Variants in ZBTB7C observed in about 807,000 individuals in gnomAD.
ZBTB7C encodes the protein zinc finger and BTB domain containing 7C.
Under a neutral mutation model 25.7 loss-of-function variants are expected in ZBTB7C, and 8 were observed. That is an observed-to-expected ratio of 0.31 (90% confidence interval 0.18 to 0.56). The LOEUF (loss-of-function observed/expected upper bound fraction) is 0.56. Ranked by LOEUF, ZBTB7C falls within the 20% of genes least tolerant of loss-of-function variation. The pLI is 0.91. For missense variants in ZBTB7C, 824 were observed against 855.2 expected, an observed-to-expected ratio of 0.96 and a Z score of 0.46; for synonymous variants, 394 against 369.0, an observed-to-expected ratio of 1.07 and a Z score of -0.78.
Position 48,027,551 on chromosome 18 carries a change from C to T in ZBTB7C, c.*1709G>A, listed in dbSNP as rs1029892995. The T allele has an allele frequency of 6.6e-6, 1 of 152,252 alleles. No individual in the cohort carries two copies. The highest frequency in any genetic ancestry group is 2.4e-5 in the African/African-American group (1 of 41,462). 9.4% of individuals were successfully genotyped at this position (152,252 alleles called of 1,614,324 possible). A position where few individuals can be genotyped will look rare whatever the true frequency, so the allele number is the denominator to read the frequency against. ...TTCTGAGAACAGAGGGTGTGTGTAGCAATCCTGCTGGCTGGAGTGGCATCC... is the reference window on the plus strand; with the variant it reads ...TTCTGAGAACAGAGGGTGTGTGTAGTAATCCTGCTGGCTGGAGTGGCATCC... On this transcript the variant is annotated 3_prime_UTR_variant, in exon 5 of 5. Transcript: ENST00000590800.
At chr18:48,308,077 A>G (rs1303432329) in intron 2 of ZBTB7C, among the ~76,000 whole-genome samples, 1 of 152,170 alleles carries the variant, frequency 6.6e-6, no homozygotes, top group Non-Finnish European at 1.5e-5. Flanking sequence ...CTCATTTTGC[A>G]TAAAGGAAGA....
At chr18:48,403,623 T>C (rs1313343900) in intron 1 of ZBTB7C, among the ~76,000 whole-genome samples, 2 of 152,116 alleles carry the variant, frequency 1.3e-5, no homozygotes, top group African/African-American at 4.8e-5. Context: ...ACAGACAAGG[T>C]GCCTGTTCTC....
intron 2 of ZBTB7C, among the ~76,000 whole-genome samples, chr18:48,311,228 T>C (rs996340616): frequency 6.6e-6 from 1 of 152,206 alleles, no homozygotes; most frequent in African/African-American, 2.4e-5. Context: ...ACCCCCTGCC[T>C]GCCCGTGGTG....
chr18:48,242,324 G>T (rs1302303401), intron 2 of ZBTB7C, among the ~76,000 whole-genome samples: 1 of 152,038 alleles, frequency 6.6e-6, no homozygotes, highest in African/African-American at 2.4e-5. Context: ...GAGAAAAAGG[G>T]AATCCTCCCT....
At chr18:48,205,506 C>G (rs556710543) in intron 2 of ZBTB7C, among the ~76,000 whole-genome samples, 1 of 151,878 alleles carries the variant, frequency 6.6e-6, no homozygotes, top group Middle Eastern at 3.4e-3. Context: ...AGGAAATAGA[C>G]AGTATTAATA....
intron 1 of ZBTB7C, among the ~76,000 whole-genome samples, chr18:48,350,057 G>A (rs2046828680): frequency 6.6e-6 from 1 of 152,100 alleles, no homozygotes; most frequent in African/African-American, 2.4e-5. Flanking sequence ...AACTAGACTG[G>A]GACTCTTAAA....
chr18:48,046,386 G>C (rs748820064), intron 3 of ZBTB7C, among the ~76,000 whole-genome samples: 2 of 152,154 alleles, frequency 1.3e-5, no homozygotes, highest in Non-Finnish European at 2.9e-5. Context: ...TAGGTAGCAG[G>C]GTCCTGACCC....
intron 3 of ZBTB7C, among the ~76,000 whole-genome samples, chr18:48,133,435 C>T (rs2040048692): frequency 6.6e-6 from 1 of 152,216 alleles, no homozygotes; most frequent in Non-Finnish European, 1.5e-5. Flanking sequence ...TGAAATTATG[C>T]TGCAATTTTG....
intron 2 of ZBTB7C, among the ~76,000 whole-genome samples, chr18:48,239,874 A>C (rs190841286): frequency 6.6e-6 from 1 of 152,316 alleles, no homozygotes; most frequent in East Asian, 1.9e-4. Context: ...GAAATCTCTG[A>C]ATTTCCAAAA....
chr18:48,397,764 G>T (rs190481329), intron 1 of ZBTB7C, among the ~76,000 whole-genome samples: 2 of 152,240 alleles, frequency 1.3e-5, no homozygotes, highest in East Asian at 3.9e-4. Flanking sequence ...TAGCTCTTCA[G>T]CATAAGCTTA....
chr18:48,385,736 C>T (rs565214721), intron 1 of ZBTB7C, among the ~76,000 whole-genome samples: 1 of 152,202 alleles, frequency 6.6e-6, no homozygotes, highest in Non-Finnish European at 1.5e-5. Context: ...ACACAGGAAA[C>T]CCTCGATATT....
At chr18:48,067,925 T>A (rs1217528607) in intron 3 of ZBTB7C, among the ~76,000 whole-genome samples, 4 of 152,070 alleles carry the variant, frequency 2.6e-5, no homozygotes, top group South Asian at 2.1e-4. Context: ...CACTTGAACC[T>A]GGGAGGCAGA....
At chr18:48,345,944 A>G (rs931902690) in intron 1 of ZBTB7C, among the ~76,000 whole-genome samples, 3 of 152,044 alleles carry the variant, frequency 2.0e-5, no homozygotes, top group African/African-American at 4.8e-5. Context: ...TGGCTCTCAT[A>G]CTCTATGATG....
intron 2 of ZBTB7C, among the ~76,000 whole-genome samples, chr18:48,192,112 G>A (rs893912246): frequency 3.0e-4 from 45 of 152,142 alleles, no homozygotes; most frequent in African/African-American, 1.0e-3. Flanking sequence ...GTAATTCAGC[G>A]ATAAAAAGAA....
At chr18:48,384,720 C>T (rs2047707838) in intron 1 of ZBTB7C, among the ~76,000 whole-genome samples, 1 of 152,150 alleles carries the variant, frequency 6.6e-6, no homozygotes, top group Admixed American at 6.5e-5. Context: ...CTCGCTCTGT[C>T]ACCCAGGCTG....
rs899052394 is a variant in ZBTB7C, at chr18:48,066,328, G to A, written c.-16-25205C>T. Among the ~76,000 whole-genome samples, 17 of 152,330 alleles carry A rather than the reference G, an allele frequency of 1.1e-4. 1 individual carries two copies. In the South Asian group the frequency reaches 1.4e-3, roughly 13 times the overall value. ...ATTTCAGAGGATCTGTACACCCCAC[G>A]GATGTGGGTGCTGCCAAGCCCTGGG... On this transcript the variant is annotated intron_variant, in intron 3 of 4. Coordinates refer to ENST00000590800, the MANE Select transcript of ZBTB7C (RefSeq NM_001318841.2).
At chr18:48,245,079 A>ATTCCATG (rs2043636469) in intron 2 of ZBTB7C, among the ~76,000 whole-genome samples, 1 of 66,290 alleles carries the variant, frequency 1.5e-5, no homozygotes, top group Admixed American at 1.6e-4. Context: ...AAAAAAAAGT[A>ATTCCATG]GTGTGTGTGT....
At chr18:48,294,827 C>T (rs2045342291) in intron 2 of ZBTB7C, among the ~76,000 whole-genome samples, 1 of 152,246 alleles carries the variant, frequency 6.6e-6, no homozygotes, top group African/African-American at 2.4e-5. Context: ...GTTATTAGTT[C>T]CCAAAATTTT....
At chr18:48,314,726 G>C (rs1312392925) in intron 2 of ZBTB7C, among the ~76,000 whole-genome samples, 1 of 152,126 alleles carries the variant, frequency 6.6e-6, no homozygotes, top group African/African-American at 2.4e-5. Context: ...GGAAGGAAGA[G>C]CCCACAGTTG....
Sources: gnomAD v4.1 joint callset for allele counts (sites outside exome capture counted in the v4.1 genomes callset) on GRCh38, gnomAD v4.1.1 for gene constraint, MANE v1.5 for transcripts, NCBI Gene and HGNC (gene_info 2026-07-23, HGNC 2026-07-21) for gene names.